The following NFKBIZ variants were observed in gnomAD, a reference collection of about 807,000 sequenced individuals.
NFKBIZ encodes NF-kappa-B inhibitor zeta.
In NFKBIZ, 19 loss-of-function variants were observed where a neutral mutation model predicts 76.8. The ratio of observed to expected loss-of-function variants is 0.25; its 90% confidence interval spans 0.17 to 0.36. The LOEUF is 0.36. NFKBIZ is among the 10% of genes least tolerant of loss of function. NFKBIZ has a pLI of 1.00. For synonymous variants in NFKBIZ, 368 were observed against 354.8 expected, an observed-to-expected ratio of 1.04 and a Z score of -0.42; for missense variants, 829 against 910.9, an observed-to-expected ratio of 0.91 and a Z score of 1.16.
Position 101,853,629 on chromosome 3 carries a change from A to T in NFKBIZ, c.1103A>T (p.Asp368Val). ...TCCTCCAGTGTTCAGCAGCAAAATG[A>T]TGCTCACTTGCACAGCTTCAGCATG... ...QTSSSVQQQN[D>V]AHLHSFSMMP... Residue 368 changes from aspartate to valine, a missense_variant, in exon 5 of 12, where the codon GAT becomes GTT. This residue lies in a region of NFKBIZ where 371 missense variants were observed against 332.3 expected (regional missense o/e 1.12). Coordinates refer to ENST00000326172, the MANE Select transcript of NFKBIZ (RefSeq NM_031419.4). 5 of 1,614,244 alleles carry T rather than the reference A, an allele frequency of 3.1e-6. No individual in the cohort carries two copies. Among genetic ancestry groups the T allele is most frequent in the Non-Finnish European group, 2.5e-6 (3 of 1,180,048 alleles).
intron 11 of NFKBIZ, chr3:101,858,443 G>A: frequency 1.0e-6 from 1 of 985,348 alleles, no homozygotes; most frequent in Non-Finnish European, 1.2e-6. Flanking sequence ...AAAAGGCAGA[G>A]TCCTAAGCCC....
intron 2 of NFKBIZ, among the ~76,000 whole-genome samples, chr3:101,831,704 C>G (rs72939603): frequency 0.017 from 2,639 of 151,806 alleles, 78 homozygotes; most frequent in African/African-American, 0.061. Context: ...GCAGTAGCCC[C>G]TTCTTGGCTC....
chr3:101,837,123 A>G (rs1431970603), intron 2 of NFKBIZ, among the ~76,000 whole-genome samples: 5 of 152,134 alleles, frequency 3.3e-5, no homozygotes, highest in African/African-American at 9.7e-5. Flanking sequence ...CAATTATGGG[A>G]TGGTGTGATG....
At chr3:101,856,054 ATT>A (rs200310354) in intron 9 of NFKBIZ, 152 bp downstream of exon 9, 1,403 of 472,238 alleles carry the variant, frequency 3.0e-3, no homozygotes, top group Middle Eastern at 5.6e-3. Context: ...GAAGCCCAGA[ATT>A]TTTTTTTTTT....
At chr3:101,852,624 A>G (rs1464933557) in intron 2 of NFKBIZ, 114 bp from the exon 3 acceptor site, 8 of 696,560 alleles carry the variant, frequency 1.1e-5, no homozygotes, top group South Asian at 6.0e-5. Context: ...TAGAAAAACC[A>G]TATCAGAGAT....
At chr3:101,845,508 C>G (rs1482292884), upstream of NFKBIZ, among the ~76,000 whole-genome samples, 1 of 151,788 alleles carries the variant, frequency 6.6e-6, no homozygotes, top group Non-Finnish European at 1.5e-5. Flanking sequence ...ATTATATTGC[C>G]CAGACTGGTC....
At chr3:101,845,358 A>T, upstream of NFKBIZ, among the ~76,000 whole-genome samples, 1 of 146,276 alleles carries the variant, frequency 6.8e-6, no homozygotes, top group Non-Finnish European at 1.5e-5. Context: ...CAGTTGTATG[A>T]TCATAGCCTA....
At chr3:101,844,134 C>T (rs1300850262) in intron 2 of NFKBIZ, among the ~76,000 whole-genome samples, 1 of 152,114 alleles carries the variant, frequency 6.6e-6, no homozygotes, top group Non-Finnish European at 1.5e-5. Flanking sequence ...GAGGGCAGTT[C>T]AGCTCACAAC....
Position 101,859,395 on chromosome 3 carries a change from A to G in NFKBIZ, c.*24A>G. ...AGCTCCATTAGCTTGGAGCCTGGCT[A>G]GCAACACTCACTGTCAGTTAGGCAG... On this transcript the variant is annotated 3_prime_UTR_variant, in exon 12 of 12. Transcript: ENST00000326172. 1 of 1,606,078 alleles carries G rather than the reference A, an allele frequency of 6.2e-7. No individual in the cohort carries two copies. Among genetic ancestry groups the G allele is most frequent in the Non-Finnish European group, 8.5e-7 (1 of 1,172,800 alleles).
intron 2 of NFKBIZ, 28 bp downstream of exon 2, chr3:101,852,252 T>C: frequency 1.2e-6 from 2 of 1,611,560 alleles, no homozygotes; most frequent in East Asian, 2.2e-5. Flanking sequence ...GTTTTGAGTA[T>C]AGAGTTGGGG....
chr3:101,835,485 T>C (rs1450286536), intron 2 of NFKBIZ, among the ~76,000 whole-genome samples: 1 of 152,204 alleles, frequency 6.6e-6, no homozygotes, highest in Non-Finnish European at 1.5e-5. Context: ...TTTCTCACTG[T>C]TCTGGGAGAT....
intron 2 of NFKBIZ, among the ~76,000 whole-genome samples, chr3:101,832,505 CT>C: frequency 6.6e-6 from 1 of 152,260 alleles, no homozygotes; most frequent in African/African-American, 2.4e-5. Context: ...CACCCCTCTA[CT>C]TTTTGTCTCT....
rs756318423 is a variant in NFKBIZ, at chr3:101,852,745, G to A, written c.437G>A (p.Gly146Asp). 1 of 1,608,952 alleles carries A rather than the reference G, an allele frequency of 6.2e-7. No homozygotes were observed. The highest frequency in any genetic ancestry group is 1.7e-5 in the Admixed American group (1 of 58,818). The change falls in exon 3 of 12, where the codon GGT (glycine) becomes GAT (aspartate). Residue 146 changes from glycine (G) to aspartate (D), a missense_variant. By Grantham distance (94) the Gly-to-Asp change is moderately conservative. Coordinates refer to ENST00000326172, the MANE Select transcript of NFKBIZ (RefSeq NM_031419.4). ...GQAVDDFKTQ[G>D]VNIEQFRELK... is the part of the protein sequence containing the mutation. The stretch of plus-strand genomic sequence containing the variant: ...AAACTTTTTTCTTTATAGACACAAG[G>A]TGTGAACATAGAACAGTTCAGAGGT...
Position 101,853,651 on chromosome 3 carries a change from C to T in NFKBIZ, c.1125C>T (p.Ser375=), listed in dbSNP as rs151038041. ...QQNDAHLHSF[S]MMPSSACEAM... is the part of the protein sequence containing the mutation. Reference sequence around the variant, plus strand: ...ATGATGCTCACTTGCACAGCTTCAGCATGATGCCCAGCAGCGCCTGTGAGG... The same window carrying T: ...ATGATGCTCACTTGCACAGCTTCAGTATGATGCCCAGCAGCGCCTGTGAGG... Residue 375 remains serine, a synonymous_variant, in exon 5 of 12, where the codon AGC becomes AGT. Coordinates refer to ENST00000326172, the MANE Select transcript of NFKBIZ (RefSeq NM_031419.4). 4.3e-5 allele frequency: 70 copies of T among 1,614,280 alleles called. 1 individual carries two copies. In the Admixed American group the frequency reaches 5.7e-4, roughly 13 times the overall value.
chr3:101,829,163 C>T (rs538765531), intron 1 of NFKBIZ, among the ~76,000 whole-genome samples: 2 of 152,208 alleles, frequency 1.3e-5, no homozygotes, highest in African/African-American at 2.4e-5. Context: ...CCACCCCTCT[C>T]CACCGTCTTT....
intron 2 of NFKBIZ, among the ~76,000 whole-genome samples, chr3:101,838,618 C>T (rs1266478249): frequency 1.3e-5 from 2 of 152,228 alleles, no homozygotes; most frequent in African/African-American, 4.8e-5. Flanking sequence ...ATTTGGCCTG[C>T]AGGCCGTAGT....
rs555619368 is a variant in NFKBIZ at position 101,840,987 on chromosome 3, G to A, written c.-11-11098G>A. 5.1e-4 allele frequency among the ~76,000 whole-genome samples: 77 copies of A among 152,316 alleles called. 1 individual carries two copies. In the South Asian group the frequency reaches 9.3e-3, roughly 18 times the overall value. On this transcript the variant is annotated intron_variant, in intron 2 of 12. Coordinates refer to the NFKBIZ transcript ENST00000394054. ...TCTTCACACAATCAGTCCATAATAT[G>A]CAAAGTTGTACATACTATACATACA...
intron 9 of NFKBIZ, 23 bp downstream of exon 9, chr3:101,855,925 A>C (rs1467563578): frequency 6.3e-7 from 1 of 1,588,088 alleles, no homozygotes; most frequent in Non-Finnish European, 8.6e-7. Flanking sequence ...AAAAGGTTTA[A>C]GATGGGGTAG....
intron 2 of NFKBIZ, among the ~76,000 whole-genome samples, chr3:101,830,658 T>G (rs182156367): frequency 2.3e-4 from 35 of 152,334 alleles, no homozygotes; most frequent in African/African-American, 7.7e-4. Context: ...CATGATTCTA[T>G]TCTTTTTTAT....
Sources: allele counts gnomAD v4.1 joint callset (sites outside exome capture counted in the v4.1 genomes callset), GRCh38; gene constraint gnomAD v4.1.1; regional missense constraint gnomAD v4.1.1; transcripts MANE v1.5; gene names NCBI Gene and HGNC (gene_info 2026-07-23, HGNC 2026-07-21).